Variants in CMIP observed in about 807,000 individuals in gnomAD.
CMIP encodes the protein c-Maf inducing protein.
A neutral mutation model predicts 97.3 loss-of-function variants in CMIP; 13 were observed. The observed-to-expected ratio is 0.13, with a 90% CI of 0.09 to 0.21. The LOEUF is 0.21. CMIP is among the 10% of genes least tolerant of loss of function. CMIP has a pLI of 1.00. For synonymous variants in CMIP, 538 were observed against 436.3 expected (o/e 1.23, Z -2.91); for missense variants, 847 against 1,024.9 (o/e 0.83, Z 2.37).
At chr16:81,580,156 T>A (rs1165640824) in intron 1 of CMIP, among the ~76,000 whole-genome samples, 1 of 152,062 alleles carries the variant, frequency 6.6e-6, no homozygotes, top group Non-Finnish European at 1.5e-5. Context: ...CTTGACACCC[T>A]CCCTCAGCTC....
chr16:81,643,026 T>C (rs567055481), intron 3 of CMIP, among the ~76,000 whole-genome samples: 12 of 152,330 alleles, frequency 7.9e-5, no homozygotes, highest in African/African-American at 2.9e-4. Context: ...GAAGGCCACA[T>C]TGTGTATGAT....
intron 1 of CMIP, among the ~76,000 whole-genome samples, chr16:81,571,439 G>A (rs867647274): frequency 4.6e-5 from 7 of 151,904 alleles, no homozygotes; most frequent in African/African-American, 1.7e-4. Flanking sequence ...CTGCATTCCA[G>A]CCTGGATAAT....
At chr16:81,532,436 C>T (rs1012849423) in intron 1 of CMIP, among the ~76,000 whole-genome samples, 1 of 152,172 alleles carries the variant, frequency 6.6e-6, no homozygotes, top group African/African-American at 2.4e-5. Flanking sequence ...CAGGCCAATA[C>T]ATTGAGCCCA....
intron 1 of CMIP, among the ~76,000 whole-genome samples, chr16:81,481,536 T>G (rs1164908222): frequency 6.6e-6 from 1 of 152,162 alleles, no homozygotes; most frequent in Non-Finnish European, 1.5e-5. Context: ...CTGCGTGGGA[T>G]GGGGCCATGC....
rs1383164072 is a variant in CMIP at position 81,489,507 on chromosome 16, C to T, written c.300+43966C>T. Among the ~76,000 whole-genome samples, 3 of 152,210 alleles carry T rather than the reference C, an allele frequency of 2.0e-5. No individual in the cohort carries two copies. In the East Asian group the frequency reaches 5.8e-4, roughly 29 times the overall value. ...CAGGAGAGGTCTCCTTTGTGAGTCC[C>T]TCTTTCCAAAAGTGCCGCTGTACCC... On this transcript the variant is annotated intron_variant, in intron 1 of 20. Coordinates refer to ENST00000537098, the MANE Select transcript of CMIP (RefSeq NM_198390.3).
intron 1 of CMIP, among the ~76,000 whole-genome samples, chr16:81,575,683 A>G (rs1388324344): frequency 2.6e-5 from 4 of 152,184 alleles, no homozygotes; most frequent in Non-Finnish European, 4.4e-5. Context: ...GTGACATTGT[A>G]GCCCAAGACA....
intron 1 of CMIP, among the ~76,000 whole-genome samples, chr16:81,490,475 C>T (rs2089387388): frequency 6.6e-6 from 1 of 152,128 alleles, no homozygotes; most frequent in South Asian, 2.1e-4. Flanking sequence ...CAAAAATTAG[C>T]TGAGTGTGGC....
At chr16:81,475,178 CTCTG>C (rs1907824827) in intron 1 of CMIP, among the ~76,000 whole-genome samples, 1 of 152,168 alleles carries the variant, frequency 6.6e-6, no homozygotes. Context: ...CTCTTTCTCT[CTCTG>C]TCTCTTTCTC....
At chr16:81,486,139 C>T (rs1306516242) in intron 1 of CMIP, among the ~76,000 whole-genome samples, 2 of 152,164 alleles carry the variant, frequency 1.3e-5, no homozygotes, top group East Asian at 1.9e-4. Context: ...CTGGCCAGAG[C>T]GAGCTGGTGT....
intron 1 of CMIP, among the ~76,000 whole-genome samples, chr16:81,522,067 G>C (rs943296182): frequency 6.6e-6 from 1 of 152,180 alleles, no homozygotes; most frequent in Non-Finnish European, 1.5e-5. Context: ...AGACGGATGA[G>C]GTTTCTGCTT....
chr16:81,644,601 A>T (rs2092342705), intron 3 of CMIP, among the ~76,000 whole-genome samples: 1 of 152,228 alleles, frequency 6.6e-6, no homozygotes, highest in African/African-American at 2.4e-5. Context: ...CAAGAAGGCC[A>T]AAAATGCTGC....
chr16:81,578,366 G>C (rs919437174), intron 1 of CMIP, among the ~76,000 whole-genome samples: 9 of 152,256 alleles, frequency 5.9e-5, no homozygotes, highest in Non-Finnish European at 1.0e-4. Context: ...GTCATAAAGA[G>C]TACAGAGTCC....
intron 1 of CMIP, among the ~76,000 whole-genome samples, chr16:81,467,744 C>G (rs1301407051): frequency 6.6e-6 from 1 of 151,842 alleles, no homozygotes; most frequent in Non-Finnish European, 1.5e-5. Flanking sequence ...CCATGCCTGG[C>G]TACTTTTTAA....
chr16:81,542,134 G>A (rs1378633832), intron 1 of CMIP, among the ~76,000 whole-genome samples: 4 of 152,256 alleles, frequency 2.6e-5, no homozygotes, highest in Admixed American at 2.6e-4. Flanking sequence ...TGTCTTACCT[G>A]GGACTCTCAG....
chr16:81,660,958 C>T lies in CMIP; in HGVS notation c.744+12C>T. 1 of 1,613,970 alleles carries T rather than the reference C, an allele frequency of 6.2e-7. No homozygotes were observed. The highest frequency in any genetic ancestry group is 8.5e-7 in the Non-Finnish European group (1 of 1,179,878). ...AATTCTTTTGCAAGGTACGGGATTG[C>T]TGAGCTGGGGCTGTGGCTGCAGGAA... On this transcript the variant is annotated intron_variant, in intron 6 of 20. Transcript: ENST00000537098.
intron 10 of CMIP, among the ~76,000 whole-genome samples, chr16:81,682,942 G>C (rs1017237): frequency 6.6e-6 from 1 of 152,296 alleles, no homozygotes; most frequent in South Asian, 2.1e-4. Context: ...GTGATGAAAA[G>C]AACGTGGATT....
At chr16:81,499,057 G>A (rs1395511143) in intron 1 of CMIP, among the ~76,000 whole-genome samples, 1 of 152,218 alleles carries the variant, frequency 6.6e-6, no homozygotes, top group African/African-American at 2.4e-5. Context: ...TTTTACAAAT[G>A]AGGAAACTGA....
chr16:81,512,514 C>G (rs939544221), intron 1 of CMIP, among the ~76,000 whole-genome samples: 2 of 152,208 alleles, frequency 1.3e-5, no homozygotes, highest in African/African-American at 4.8e-5. Context: ...AAGGGCTTCA[C>G]TTCATCAGCT....
intron 20 of CMIP, 102 bp from the exon 21 acceptor site, chr16:81,709,644 G>A (rs1259198477): frequency 7.6e-7 from 1 of 1,323,118 alleles, no homozygotes; most frequent in Non-Finnish European, 1.1e-6. Flanking sequence ...TGGGGAGAGG[G>A]TGGCAGAGAC....
Sources: allele counts gnomAD v4.1 joint callset (sites outside exome capture counted in the v4.1 genomes callset), GRCh38; gene constraint gnomAD v4.1.1; transcripts MANE v1.5; gene names NCBI Gene and HGNC (gene_info 2026-07-23, HGNC 2026-07-21).